The following C6orf89 variants were observed in gnomAD, a reference collection of about 807,000 sequenced individuals.
The protein encoded by C6orf89 is bombesin receptor-activated protein C6orf89.
In C6orf89, 29 loss-of-function variants were observed where a neutral mutation model predicts 40.7. That is an observed-to-expected ratio of 0.71 (90% CI 0.53 to 0.97). C6orf89 has a LOEUF of 0.97. Ranked by LOEUF, C6orf89 falls within the 50% of genes least tolerant of loss-of-function variation. C6orf89 has a pLI of 0.00. For missense variants in C6orf89, 392 were observed against 429.1 expected, an observed-to-expected ratio of 0.91 and a Z score of 0.76; for synonymous variants, 165 against 152.2, an observed-to-expected ratio of 1.08 and a Z score of -0.62.
chr6:36,890,341 C>A (rs1218465493), intron 1 of C6orf89, among the ~76,000 whole-genome samples: 1 of 152,090 alleles, frequency 6.6e-6, no homozygotes, highest in East Asian at 1.9e-4. Flanking sequence ...CCATTCTGTT[C>A]TTTGCTTCTA....
At position 36,899,605 on chromosome 6, in the gene C6orf89, A is replaced by G. The variant is rs768992037; in HGVS notation, c.161A>G (p.Gln54Arg). 1.9e-5 allele frequency: 30 copies of G among 1,614,132 alleles called. No individual in the cohort carries two copies. The South Asian group carries it at 2.7e-4, about 15-fold the overall frequency. ...AATGAACCTCAGAGACCCCCCCCGC[A>G]GTATCCTCTCCTTATAGTTGTGTAT... ...EKNEPQRPPPQYPLLIVVYKV... is the reference protein window; with the variant it reads ...EKNEPQRPPPRYPLLIVVYKV... The change falls in exon 3 of 9, where the codon CAG becomes CGG. Residue 54 changes from glutamine (Q) to arginine (R), a missense_variant. By Grantham distance (43) the Gln-to-Arg change is conservative. Coordinates refer to ENST00000480824, the MANE Select transcript of C6orf89 (RefSeq NM_001286635.2).
chr6:36,900,775 G>A (rs544940143), intron 3 of C6orf89, among the ~76,000 whole-genome samples: 20 of 151,984 alleles, frequency 1.3e-4, no homozygotes, highest in African/African-American at 3.9e-4. Context: ...GACTGAGTTC[G>A]AGACTGCCCA....
chr6:36,915,283 A>G (rs191010063), intron 6 of C6orf89, among the ~76,000 whole-genome samples: 69 of 152,314 alleles, frequency 4.5e-4, no homozygotes, highest in Non-Finnish European at 8.5e-4. Flanking sequence ...GGCCTCATGC[A>G]GGGGGCTGAA....
chr6:36,897,098 C>T lies in C6orf89; in HGVS notation c.-19-2328C>T, dbSNP rs558980031. Among the ~76,000 whole-genome samples the T allele has an allele frequency of 9.9e-4, 141 of 143,142 alleles. 1 individual carries two copies. Among genetic ancestry groups the T allele is most frequent in the African/African-American group, 3.2e-3 (121 of 38,060 alleles). 93.9% of individuals were successfully genotyped at this position (143,142 alleles called of 152,430 possible). A position where few individuals can be genotyped will look rare whatever the true frequency, so the allele number is the denominator to read the frequency against. ...GAGCCAAGATCGCGCCACTGCACTC[C>T]AGCCTGGGCAACCAGAGCAAGACTC... On this transcript the variant is annotated intron_variant, in intron 2 of 8. Transcript: ENST00000480824.
At chr6:36,872,593 T>A (rs1774536946) in intron 1 of C6orf89, among the ~76,000 whole-genome samples, 1 of 151,718 alleles carries the variant, frequency 6.6e-6, no homozygotes, top group Non-Finnish European at 1.5e-5. Flanking sequence ...ACCTAGACTT[T>A]AAGCTCCAAG....
intron 1 of C6orf89, among the ~76,000 whole-genome samples, chr6:36,873,460 T>TA (rs1357262093): frequency 1.3e-5 from 2 of 152,240 alleles, no homozygotes; most frequent in East Asian, 3.9e-4. Flanking sequence ...ATTTTTTTGT[T>TA]AAAAAAACAT....
At position 36,885,989 on chromosome 6, in the gene C6orf89, C is replaced by T. The variant is rs559621022; in HGVS notation, c.-159C>T. 2.5e-6 allele frequency: 3 copies of T among 1,200,644 alleles called. No individual in the cohort carries two copies. Among genetic ancestry groups the T allele is most frequent in the Middle Eastern group, 2.2e-4 (1 of 4,456 alleles). 74.4% of individuals were successfully genotyped at this position (1,200,644 alleles called of 1,614,324 possible). On this transcript the variant is annotated 5_prime_UTR_variant, in exon 1 of 9. Transcript: ENST00000480824. ...ATCCTCCTCGCCCGGCGGCAGCTGT[C>T]CCCGAGGCGGGAGGAGCCCGAGGGG...
intron 4 of C6orf89, among the ~76,000 whole-genome samples, chr6:36,912,673 TCTGA>T (rs1762169606): frequency 6.6e-6 from 1 of 152,140 alleles, no homozygotes; most frequent in African/African-American, 2.4e-5. Flanking sequence ...GCGGTAATCC[TCTGA>T]CTAATAATCT....
intron 1 of C6orf89, among the ~76,000 whole-genome samples, chr6:36,888,995 G>A (rs559405702): frequency 2.0e-5 from 3 of 152,294 alleles, no homozygotes; most frequent in African/African-American, 4.8e-5. Context: ...TTGGATCACC[G>A]TGTCTGGTAG....
intron 2 of C6orf89, among the ~76,000 whole-genome samples, chr6:36,895,970 T>C (rs1462474753): frequency 9.2e-5 from 14 of 152,378 alleles, no homozygotes; most frequent in East Asian, 5.8e-4. Flanking sequence ...AATTCCTCCA[T>C]GTCCTTACCA....
Position 36,897,866 on chromosome 6 carries a change from C to T in C6orf89, c.-19-1560C>T, listed in dbSNP as rs200679730. ...AGCATCTCCTTACTGAGAGAATACA[C>T]GTACTATGTCAGTACTTTTTGGGGC... On this transcript the variant is annotated intron_variant, in intron 2 of 8. Transcript: ENST00000480824. Among the ~76,000 whole-genome samples the T allele has an allele frequency of 1.8e-4, 27 of 151,958 alleles. 1 individual carries two copies. The highest frequency in any genetic ancestry group is 6.8e-3 in the Middle Eastern group (2 of 292).
chr6:36,915,839 C>T (rs927505915), intron 6 of C6orf89, among the ~76,000 whole-genome samples: 17 of 152,248 alleles, frequency 1.1e-4, no homozygotes, highest in South Asian at 4.1e-4. Flanking sequence ...CTGTGCCCTG[C>T]GGAAGACATG....
rs116985480 is a variant in C6orf89 at position 36,923,706 on chromosome 6, C to T, written c.*265C>T. 2.1e-3 allele frequency: 941 copies of T among 448,846 alleles called. 19 individuals carry two copies. In the East Asian group the frequency reaches 0.041, roughly 19 times the overall value. 27.8% of individuals were successfully genotyped at this position (448,846 alleles called of 1,614,324 possible). A position where few individuals can be genotyped will look rare whatever the true frequency, so the allele number is the denominator to read the frequency against. On this transcript the variant is annotated 3_prime_UTR_variant, in exon 9 of 9. Coordinates refer to ENST00000480824, the MANE Select transcript of C6orf89 (RefSeq NM_001286635.2). ...GCACCCATCTGAGACTGACCTCTTC[C>T]GGGCCTTTGGACACTATGACCTTGA...
chr6:36,889,463 T>C (rs1775114147), intron 1 of C6orf89, among the ~76,000 whole-genome samples: 1 of 152,038 alleles, frequency 6.6e-6, no homozygotes, highest in South Asian at 2.1e-4. Flanking sequence ...GGAACTATTA[T>C]GGCATTTTTC....
chr6:36,901,517 G>A (rs1561865797), intron 3 of C6orf89, among the ~76,000 whole-genome samples: 1 of 143,438 alleles, frequency 7.0e-6, no homozygotes. Flanking sequence ...TGTATTTTTA[G>A]TAGAGACAGG....
At chr6:36,894,715 G>C (rs1761358164) in intron 2 of C6orf89, 112 bp downstream of exon 2, 1 of 192,770 alleles carries the variant, frequency 5.2e-6, no homozygotes, top group South Asian at 1.8e-4. Flanking sequence ...ATCGATCACA[G>C]CTACCTTATG....
At chr6:36,881,833 T>C (rs1050297513), upstream of C6orf89, among the ~76,000 whole-genome samples, 2 of 151,712 alleles carry the variant, frequency 1.3e-5, no homozygotes, top group Non-Finnish European at 2.9e-5. Context: ...TGTTCTGCTC[T>C]GAGAAAAAAA....
At chr6:36,880,746 C>T (rs936177136) in intron 2 of C6orf89, among the ~76,000 whole-genome samples, 1 of 152,220 alleles carries the variant, frequency 6.6e-6, no homozygotes, top group South Asian at 2.1e-4. Flanking sequence ...ATTAGCCATG[C>T]CCCCTAGCTA....
intron 3 of C6orf89, among the ~76,000 whole-genome samples, chr6:36,901,312 A>ATTTT (rs1554136270): frequency 4.6e-5 from 3 of 64,658 alleles, no homozygotes; most frequent in Admixed American, 1.7e-4. Context: ...TATTATTATT[A>ATTTT]TTATTATTAT....
Sources: gnomAD v4.1 joint callset for allele counts (sites outside exome capture counted in the v4.1 genomes callset) on GRCh38, gnomAD v4.1.1 for gene constraint, MANE v1.5 for transcripts, NCBI Gene and HGNC (gene_info 2026-07-23, HGNC 2026-07-21) for gene names.